Variants in TMPRSS11F observed in about 807,000 individuals in gnomAD.
TMPRSS11F encodes the protein transmembrane protease serine 11F.
TMPRSS11F carries 47 observed loss-of-function variants against 60.2 expected under a neutral mutation model. The ratio of observed to expected loss-of-function variants is 0.78; its 90% CI spans 0.62 to 1.00. TMPRSS11F has a LOEUF of 1.00. Among genes scored for constraint, TMPRSS11F ranks in the 50% least tolerant of loss-of-function variants. The probability of loss-of-function intolerance (pLI) is 0.00; values close to 1 mark genes in which losing one functional copy is unlikely to be tolerated. For missense variants in TMPRSS11F, 519 were observed against 522.9 expected (o/e 0.99, Z 0.07); for synonymous variants, 166 against 167.3 (o/e 0.99, Z 0.06).
rs140138021 is a variant in TMPRSS11F, at chr4:68,112,507, A to G, written c.12-13469T>C. ...GTGCCCTATATTTTTCCAACCTTAAATTAATAATAAAAATATAATTTGATT... is the reference window on the plus strand; with the variant it reads ...GTGCCCTATATTTTTCCAACCTTAAGTTAATAATAAAAATATAATTTGATT... On this transcript the variant is annotated intron_variant, in intron 1 of 9. Transcript: ENST00000356291. Among the ~76,000 whole-genome samples, 247 of 152,208 alleles carry G rather than the reference A, an allele frequency of 1.6e-3. 1 individual carries two copies. Among genetic ancestry groups the G allele is most frequent in the African/African-American group, 5.8e-3 (240 of 41,562 alleles).
chr4:68,102,188 T>C (rs988528639), intron 1 of TMPRSS11F, among the ~76,000 whole-genome samples: 1 of 152,152 alleles, frequency 6.6e-6, no homozygotes, highest in Non-Finnish European at 1.5e-5. Context: ...AATTCCATTG[T>C]ATATATTTAC....
At chr4:68,075,105 C>A (rs1723557005) in intron 3 of TMPRSS11F, among the ~76,000 whole-genome samples, 1 of 152,184 alleles carries the variant, frequency 6.6e-6, no homozygotes, top group Non-Finnish European at 1.5e-5. Flanking sequence ...ATTTCTACAT[C>A]CTGTCAGAGT....
chr4:68,067,753 T>C (rs916614588), intron 7 of TMPRSS11F, among the ~76,000 whole-genome samples: 14 of 152,208 alleles, frequency 9.2e-5, no homozygotes, highest in African/African-American at 3.4e-4. Flanking sequence ...TCTGGGATGT[T>C]ACCCTTAGAA....
intron 5 of TMPRSS11F, among the ~76,000 whole-genome samples, chr4:68,071,377 A>G (rs1327247843): frequency 6.6e-6 from 1 of 152,210 alleles, no homozygotes; most frequent in Non-Finnish European, 1.5e-5. Flanking sequence ...TAAATGCATG[A>G]CTATTGGGAA....
chr4:68,072,026 G>A (rs1241796249), intron 5 of TMPRSS11F, among the ~76,000 whole-genome samples: 2 of 151,330 alleles, frequency 1.3e-5, no homozygotes, highest in Admixed American at 6.6e-5. Context: ...GTAAAATGGC[G>A]AAAGTAATAC....
At chr4:68,090,983 C>T (rs543232986) in intron 2 of TMPRSS11F, among the ~76,000 whole-genome samples, 2 of 152,216 alleles carry the variant, frequency 1.3e-5, no homozygotes, top group South Asian at 2.1e-4. Context: ...CAAAGAATTG[C>T]TAACAGGTAT....
chr4:68,120,930 G>A (rs905379689), intron 1 of TMPRSS11F, among the ~76,000 whole-genome samples: 1 of 152,076 alleles, frequency 6.6e-6, no homozygotes, highest in African/African-American at 2.4e-5. Flanking sequence ...ATATGTTTTT[G>A]CACATTTAAT....
At chr4:68,106,362 T>A (rs144680131) in intron 1 of TMPRSS11F, among the ~76,000 whole-genome samples, 23 of 152,254 alleles carry the variant, frequency 1.5e-4, no homozygotes, top group African/African-American at 5.1e-4. Context: ...GCTACTTGTG[T>A]TGTTGCAGCA....
At chr4:68,103,750 G>GT (rs1362057317) in intron 1 of TMPRSS11F, among the ~76,000 whole-genome samples, 7 of 152,136 alleles carry the variant, frequency 4.6e-5, no homozygotes, top group Non-Finnish European at 1.0e-4. Flanking sequence ...TCTTTGGCTA[G>GT]TATGGACATT....
At chr4:68,115,010 A>G (rs10011843) in intron 1 of TMPRSS11F, among the ~76,000 whole-genome samples, 47,974 of 137,022 alleles carry the variant, frequency 0.35, 10,506 homozygotes, top group Non-Finnish European at 0.5. Context: ...AAAAAAAAAA[A>G]AAGAAGAAGA....
intron 1 of TMPRSS11F, among the ~76,000 whole-genome samples, chr4:68,107,786 A>C (rs1336819955): frequency 6.6e-6 from 1 of 152,086 alleles, no homozygotes; most frequent in Non-Finnish European, 1.5e-5. Context: ...AAAATGGAAA[A>C]ATTAGCTGGG....
Position 68,108,098 on chromosome 4 carries a change from G to T in TMPRSS11F, c.12-9060C>A, listed in dbSNP as rs143616640. Reference sequence around the variant, plus strand: ...TTAGGGGACCCTTGCAATAGTTCAGGTCTGAGATGATGGCTACTTGAAGTA... The same window carrying T: ...TTAGGGGACCCTTGCAATAGTTCAGTTCTGAGATGATGGCTACTTGAAGTA... On this transcript the variant is annotated intron_variant, in intron 1 of 9. Coordinates refer to ENST00000356291, the MANE Select transcript of TMPRSS11F (RefSeq NM_207407.2). Among the ~76,000 whole-genome samples, 255 of 152,276 alleles carry T rather than the reference G, an allele frequency of 1.7e-3. 2 individuals are homozygous for T. The highest frequency in any genetic ancestry group is 6.0e-3 in the African/African-American group (249 of 41,546).
chr4:68,072,201 A>ATATATATATATATATATATATATCTTAC (rs1560396469), intron 5 of TMPRSS11F, 122 bp downstream of exon 5: 1 of 125,676 alleles, frequency 8.0e-6, no homozygotes, highest in African/African-American at 3.0e-5. Flanking sequence ...CTGAGATTTT[A>ATATATATATATATATATATATATCTTAC]TATATATATA....
At chr4:68,058,736 G>A (rs112379691) in intron 9 of TMPRSS11F, among the ~76,000 whole-genome samples, 63 of 152,140 alleles carry the variant, frequency 4.1e-4, no homozygotes, top group Admixed American at 2.0e-4. Flanking sequence ...GGTAGACTAG[G>A]GTATAACATA....
intron 2 of TMPRSS11F, among the ~76,000 whole-genome samples, chr4:68,091,590 T>A (rs1034444125): frequency 6.6e-6 from 1 of 152,100 alleles, no homozygotes; most frequent in African/African-American, 2.4e-5. Context: ...ATTTACTCCC[T>A]TATTTACTTA....
chr4:68,127,421 A>T (rs1724735281), intron 1 of TMPRSS11F, among the ~76,000 whole-genome samples: 1 of 152,102 alleles, frequency 6.6e-6, no homozygotes, highest in East Asian at 1.9e-4. Context: ...AAAGGTCTCA[A>T]CTTGTTGATA....
In TMPRSS11F at chr4:68,068,752, G is replaced by GT; in HGVS notation, c.620_621insA (p.Gln208ProfsTer33). 6.2e-7 allele frequency: 1 copy of GT among 1,614,204 alleles called. No individual in the cohort carries two copies. Among genetic ancestry groups the GT allele is most frequent in the Non-Finnish European group, 8.5e-7 (1 of 1,180,044 alleles). ...CTTCCATAGCTGTTTCCCTTCCTTG[G>GT]ACAATTCTTTGAGTAGAAGAGGATG... On this transcript the variant is annotated frameshift_variant, in exon 7 of 10. Coordinates refer to ENST00000356291, the MANE Select transcript of TMPRSS11F (RefSeq NM_207407.2). LOFTEE classifies it high-confidence loss of function.
intron 1 of TMPRSS11F, among the ~76,000 whole-genome samples, chr4:68,106,145 A>T (rs1456232388): frequency 2.0e-5 from 3 of 152,318 alleles, no homozygotes; most frequent in Admixed American, 6.5e-5. Context: ...AACAGAACAC[A>T]GTACCTAAAG....
At chr4:68,059,233 A>T (rs1424297231) in intron 9 of TMPRSS11F, 93 bp downstream of exon 9, 1 of 1,311,608 alleles carries the variant, frequency 7.6e-7, no homozygotes, top group East Asian at 2.4e-5. Context: ...AAGAGATGCC[A>T]TTTTTTTTTC....
Sources: gnomAD v4.1 joint callset for allele counts (sites outside exome capture counted in the v4.1 genomes callset) on GRCh38, gnomAD v4.1.1 for gene constraint, MANE v1.5 for transcripts, NCBI Gene and HGNC (gene_info 2026-07-23, HGNC 2026-07-21) for gene names.